The following ACAN variants were observed in gnomAD, a reference collection of about 807,000 sequenced individuals.
ACAN encodes the protein aggrecan.
Under a neutral mutation model 169.1 loss-of-function variants are expected in ACAN, and 47 were observed. The observed-to-expected ratio is 0.28, with a 90% CI of 0.22 to 0.35. The LOEUF (loss-of-function observed/expected upper bound fraction) is 0.35. ACAN is among the 10% of genes least tolerant of loss of function. ACAN has a pLI of 1.00. For synonymous variants in ACAN, 1,115 were observed against 1,112.2 expected (o/e 1.00, Z -0.05); for missense variants, 2,716 against 2,759.9 (o/e 0.98, Z 0.36).
At chr15:88,825,158 A>G (rs1414121522) in intron 1 of ACAN, among the ~76,000 whole-genome samples, 3 of 152,164 alleles carry the variant, frequency 2.0e-5, no homozygotes, top group Non-Finnish European at 2.9e-5. Context: ...GGAGCGGATC[A>G]CATGGGGCCT....
At position 88,861,545 on chromosome 15, in the gene ACAN, G is replaced by T. The variant is rs533174394; in HGVS notation, c.6946+1106G>T. Among the ~76,000 whole-genome samples, 1 of 152,088 alleles carries T rather than the reference G, an allele frequency of 6.6e-6. No individual in the cohort carries two copies. Among genetic ancestry groups the T allele is most frequent in the South Asian group, 2.1e-4 (1 of 4,814 alleles). ...TGGTACATATGCAGTAACTATATAT[G>T]TATATATAAACAGACGTTAGGGTAG... On this transcript the variant is annotated intron_variant, in intron 13 of 18. Transcript: ENST00000560601. The surrounding 1 kb of genome is among the most constrained non-coding windows in gnomAD (Gnocchi z 6.3).
Position 88,836,204 on chromosome 15 carries a change from A to G in ACAN, c.-3A>G. 2 of 1,613,464 alleles carry G rather than the reference A, an allele frequency of 1.2e-6. No individual in the cohort carries two copies. The highest frequency in any genetic ancestry group is 2.2e-5 in the East Asian group (1 of 44,880). ...CCTCTGCCTCCCCTCTTCCAGGTGA[A>G]CTATGACCACTTTACTCTGGGTTTT... is the stretch of plus-strand genomic sequence containing the variant. On this transcript the variant is annotated 5_prime_UTR_variant, in exon 2 of 19. Coordinates refer to ENST00000560601, the MANE Select transcript of ACAN (RefSeq NM_001369268.1).
chr15:88,817,850 A>AG (rs1491177875), intron 1 of ACAN, among the ~76,000 whole-genome samples: 1 of 6,104 alleles, frequency 1.6e-4, no homozygotes, highest in African/African-American at 9.4e-4. Flanking sequence ...TGAGACTCTG[A>AG]AAAAAAAAAA....
Position 88,858,921 on chromosome 15 carries a change from G to C in ACAN, c.6336G>C (p.Gly2112=). The stretch of plus-strand genomic sequence containing the variant: ...CCGCCTATCCTGAAGCTGGGTTCGG[G>C]GCATCTGCCGCCCCTGAGGCCAGCA... ...ETSAYPEAGF[G]ASAAPEASRE... Residue 2112 remains glycine (G), a synonymous_variant, in exon 12 of 19, where the codon GGG becomes GGC. Transcript: ENST00000560601. This position sits in a 1 kb window ranked among gnomAD's most constrained non-coding sequence, Gnocchi z 4.0. 6.2e-7 allele frequency: 1 copy of C among 1,609,248 alleles called. No individual in the cohort carries two copies. Among genetic ancestry groups the C allele is most frequent in the South Asian group, 1.1e-5 (1 of 90,914 alleles).
intron 1 of ACAN, among the ~76,000 whole-genome samples, chr15:88,832,116 G>A (rs1332345610): frequency 1.3e-5 from 2 of 152,134 alleles, no homozygotes; most frequent in African/African-American, 2.4e-5. Context: ...TGCAATCAGA[G>A]GCCAAAGACC....
intron 1 of ACAN, among the ~76,000 whole-genome samples, chr15:88,826,575 C>T (rs978937552): frequency 2.6e-5 from 4 of 151,954 alleles, no homozygotes; most frequent in Admixed American, 1.3e-4. Context: ...TGGGAACCCC[C>T]TCCTCCAAAA....
chr15:88,837,108 C>T (rs1896523782), intron 2 of ACAN, among the ~76,000 whole-genome samples: 3 of 152,328 alleles, frequency 2.0e-5, no homozygotes, highest in Admixed American at 2.0e-4. Context: ...GGTCCATCCT[C>T]CTACGGGGAC....
chr15:88,826,454 G>C (rs1896224112), intron 1 of ACAN, among the ~76,000 whole-genome samples: 1 of 85,470 alleles, frequency 1.2e-5, no homozygotes, highest in Non-Finnish European at 2.3e-5. Flanking sequence ...TGGGCTGTAG[G>C]AGCCAGCTTT....
chr15:88,838,997 G>A lies in ACAN; in HGVS notation c.405G>A (p.Val135=). 6.2e-7 allele frequency: 1 copy of A among 1,611,202 alleles called. No individual in the cohort carries two copies. The highest frequency in any genetic ancestry group is 8.5e-7 in the Non-Finnish European group (1 of 1,179,872). ...SNDSGVYRCE[V]MHGIEDSEAT... Reference sequence around the variant, plus strand: ...ACTCTGGGGTCTACCGCTGCGAGGTGATGCATGGCATCGAGGACAGCGAGG... The same window carrying A: ...ACTCTGGGGTCTACCGCTGCGAGGTAATGCATGGCATCGAGGACAGCGAGG... The change falls in exon 3 of 19, where the codon GTG becomes GTA. Residue 135 remains valine, a synonymous_variant. Coordinates refer to ENST00000560601, the MANE Select transcript of ACAN (RefSeq NM_001369268.1). This position sits in a 1 kb window ranked among gnomAD's most constrained non-coding sequence, Gnocchi z 5.1.
intron 1 of ACAN, among the ~76,000 whole-genome samples, chr15:88,810,834 C>T (rs1451664050): frequency 2.0e-5 from 3 of 152,118 alleles, no homozygotes; most frequent in African/African-American, 4.8e-5. Context: ...TCAAAATTGC[C>T]CCAGGTGATT....
Position 88,855,300 on chromosome 15 carries a change from T to A in ACAN, c.2715T>A (p.Thr905=). The A allele has an allele frequency of 6.2e-7, 1 of 1,611,676 alleles. No homozygotes were observed. The stretch of plus-strand genomic sequence containing the variant: ...GAGACCTGGACTCCAGTGGTCTTAC[T>A]TCCACAGTGGGCTCAGGCCTGCCTG... The part of the protein sequence containing the change: ...PSGDLDSSGL[T]STVGSGLPVE... Residue 905 remains threonine, a synonymous_variant, in exon 12 of 19, where the codon ACT becomes ACA. Coordinates refer to ENST00000560601, the MANE Select transcript of ACAN (RefSeq NM_001369268.1).
At chr15:88,847,033 C>G (rs1232162987) in intron 7 of ACAN, among the ~76,000 whole-genome samples, 1 of 152,232 alleles carries the variant, frequency 6.6e-6, no homozygotes, top group African/African-American at 2.4e-5. Flanking sequence ...CCGTAATGGC[C>G]TTGGTGGGGT....
Position 88,839,894 on chromosome 15 carries a change from C to G in ACAN, c.455-118C>G. ...GTGTACAGGGAGTCATGCATCAGCCCAGACCAGCCAGTTCCCTAAGGTCCC... is the reference window on the plus strand; with the variant it reads ...GTGTACAGGGAGTCATGCATCAGCCGAGACCAGCCAGTTCCCTAAGGTCCC... On this transcript the variant is annotated intron_variant, in intron 3 of 18. Coordinates refer to ENST00000560601, the MANE Select transcript of ACAN (RefSeq NM_001369268.1). The surrounding 1 kb of genome is among the most constrained non-coding windows in gnomAD (Gnocchi z 4.5). 1 of 1,269,222 alleles carries G rather than the reference C, an allele frequency of 7.9e-7. No individual in the cohort carries two copies. Among genetic ancestry groups the G allele is most frequent in the East Asian group, 2.5e-5 (1 of 39,268 alleles). The allele number at this position is 1,269,222 out of a possible 1,614,324, so 78.6% of individuals were successfully genotyped here. A position where few individuals can be genotyped will look rare whatever the true frequency, so the allele number is the denominator to read the frequency against.
rs1305488924 is a variant in ACAN, at chr15:88,859,144, G to C, written c.6559G>C (p.Ala2187Pro). ...GACAGAGGCACCAGGCTTGCCTTCA[G>C]CCACTCCCACGGCTTCTGGAGACAG... The part of the protein sequence containing the change: ...VGTEAPGLPS[A>P]TPTASGDRTE... Residue 2187 changes from alanine to proline, a missense_variant, in exon 12 of 19, where the codon GCC becomes CCC. By Grantham distance (27) the Ala-to-Pro change is conservative. Coordinates refer to ENST00000560601, the MANE Select transcript of ACAN (RefSeq NM_001369268.1). 2 of 1,613,866 alleles carry C rather than the reference G, an allele frequency of 1.2e-6. No homozygotes were observed. Among genetic ancestry groups the C allele is most frequent in the Non-Finnish European group, 1.7e-6 (2 of 1,179,908 alleles).
At chr15:88,810,769 C>T (rs992138508) in intron 1 of ACAN, among the ~76,000 whole-genome samples, 1 of 152,168 alleles carries the variant, frequency 6.6e-6, no homozygotes, top group Non-Finnish European at 1.5e-5. Flanking sequence ...CTAATGTGCT[C>T]CAAGAGATTC....
chr15:88,838,938 G>A lies in ACAN; in HGVS notation c.346G>A (p.Ala116Thr), dbSNP rs760009352. ...CAACTACCCGGCCATCCCCAGTGAC[G>A]CCACCTTGGAAGTCCAGAGCCTGCG... ...LPNYPAIPSD[A>T]TLEVQSLRSN... Residue 116 changes from alanine to threonine, a missense_variant, in exon 3 of 19, where the codon GCC becomes ACC. Transcript: ENST00000560601. This position sits in a 1 kb window ranked among gnomAD's most constrained non-coding sequence, Gnocchi z 5.1. The A allele has an allele frequency of 9.3e-6, 15 of 1,613,786 alleles. No homozygotes were observed. Among genetic ancestry groups the A allele is most frequent in the African/African-American group, 1.3e-5 (1 of 74,936 alleles).
At chr15:88,842,663 G>A (rs1896694847) in intron 5 of ACAN, among the ~76,000 whole-genome samples, 1 of 152,154 alleles carries the variant, frequency 6.6e-6, no homozygotes, top group African/African-American at 2.4e-5. Flanking sequence ...GGGCAAACCT[G>A]CCTATTAGGT....
At chr15:88,823,031 A>T (rs1412647856) in intron 1 of ACAN, among the ~76,000 whole-genome samples, 1 of 152,142 alleles carries the variant, frequency 6.6e-6, no homozygotes, top group African/African-American at 2.4e-5. Flanking sequence ...AGGCATTTCC[A>T]TCAGGACCCT....
rs554844738 is a variant in ACAN at position 88,869,483 on chromosome 15, C to T, written c.7060+1154C>T. Among the ~76,000 whole-genome samples, 1 of 152,302 alleles carries T rather than the reference C, an allele frequency of 6.6e-6. No homozygotes were observed. The highest frequency in any genetic ancestry group is 2.1e-4 in the South Asian group (1 of 4,822). On this transcript the variant is annotated intron_variant, in intron 14 of 18. Transcript: ENST00000560601. The surrounding 1 kb of genome is among the most constrained non-coding windows in gnomAD (Gnocchi z 4.2). Reference sequence around the variant, plus strand: ...CCCTTGCAGCCTCCCACCCTCCATCCTCACCCCAAGACCCCAAGAAATTGG... The same window carrying T: ...CCCTTGCAGCCTCCCACCCTCCATCTTCACCCCAAGACCCCAAGAAATTGG...
Sources: allele counts gnomAD v4.1 joint callset (sites outside exome capture counted in the v4.1 genomes callset), GRCh38; gene constraint gnomAD v4.1.1; non-coding constraint Gnocchi (gnomAD v3.1); transcripts MANE v1.5; gene names NCBI Gene and HGNC (gene_info 2026-07-23, HGNC 2026-07-21).